PDCD4: variants seen among roughly 807,000 people sequenced by gnomAD.
PDCD4 encodes programmed cell death 4.
Under a neutral mutation model 54.0 loss-of-function variants are expected in PDCD4, and 56 were observed. That is an observed-to-expected ratio of 1.04 (90% CI 0.84 to 1.30). The LOEUF (loss-of-function observed/expected upper bound fraction) is 1.30. Among genes scored for constraint, PDCD4 ranks in the 50% most tolerant of loss-of-function variants. The pLI is 0.00. For synonymous variants in PDCD4, 186 were observed against 194.8 expected, an observed-to-expected ratio of 0.95 and a Z score of 0.37; for missense variants, 584 against 559.8, an observed-to-expected ratio of 1.04 and a Z score of -0.44.
intron 5 of PDCD4, among the ~76,000 whole-genome samples, chr10:110,886,218 G>A (rs1845667761): frequency 1.3e-5 from 2 of 152,182 alleles, no homozygotes; most frequent in African/African-American, 4.8e-5. Flanking sequence ...AAGTTTCCAT[G>A]AGTCCTATGA....
chr10:110,886,675 C>T (rs973251697), intron 5 of PDCD4, among the ~76,000 whole-genome samples: 1 of 152,116 alleles, frequency 6.6e-6, no homozygotes, highest in East Asian at 1.9e-4. Context: ...TGTGTGCCCT[C>T]TCTCCTTTGA....
At chr10:110,887,986 A>C in intron 6 of PDCD4, 100 bp downstream of exon 6, 1 of 685,314 alleles carries the variant, frequency 1.5e-6, no homozygotes, top group Non-Finnish European at 2.5e-6. Context: ...ATGGAAGGGG[A>C]TGGCCAACAT....
chr10:110,879,155 G>C (rs977789533), intron 2 of PDCD4, among the ~76,000 whole-genome samples: 8 of 152,106 alleles, frequency 5.3e-5, no homozygotes, highest in African/African-American at 1.2e-4. Flanking sequence ...CAGTTAGCTT[G>C]TGACTGAATT....
In PDCD4 at chr10:110,899,719, C is replaced by T. The variant is rs149734425; in HGVS notation, c.*1631C>T. On this transcript the variant is annotated 3_prime_UTR_variant, in exon 12 of 12. Transcript: ENST00000280154. The stretch of plus-strand genomic sequence containing the variant: ...GGCTGAGGCAGGAGAATTGCTTGAA[C>T]CTGGGAGGCAGAGGTTGCAGTGAGT... 7,083 of 151,830 alleles carry T rather than the reference C, an allele frequency of 0.047. 191 individuals are homozygous for T. The highest frequency in any genetic ancestry group is 0.064 in the Middle Eastern group (19 of 296). 9.4% of individuals were successfully genotyped at this position (151,830 alleles called of 1,614,324 possible). A position where few individuals can be genotyped will look rare whatever the true frequency, so the allele number is the denominator to read the frequency against.
At chr10:110,882,935 T>G in intron 3 of PDCD4, 68 bp from the exon 4 acceptor site, 1 of 996,098 alleles carries the variant, frequency 1.0e-6, no homozygotes, top group Non-Finnish European at 1.6e-6. Context: ...CATCGGAACA[T>G]TTTATTTTAG....
chr10:110,894,170 C>T lies in PDCD4; in HGVS notation c.1070C>T (p.Pro357Leu). The T allele has an allele frequency of 6.3e-7, 1 of 1,597,610 alleles. No individual in the cohort carries two copies. Reference protein sequence around the residue: ...AEHCLKELEVPHFHHELVYEA... With the variant: ...AEHCLKELEVLHFHHELVYEA... Reference sequence around the variant, plus strand: ...CATTGCCTTAAGGAACTGGAAGTACCTCATTTTCACCATGAGCTTGTATAT... The same window carrying T: ...CATTGCCTTAAGGAACTGGAAGTACTTCATTTTCACCATGAGCTTGTATAT... The change falls in exon 9 of 12, where the codon CCT becomes CTT. Residue 357 changes from proline (P) to leucine (L), a missense_variant. Physicochemically the swap from Pro to Leu is moderately conservative, Grantham distance 98. Coordinates refer to ENST00000280154, the MANE Select transcript of PDCD4 (RefSeq NM_014456.5).
Position 110,899,735 on chromosome 10 carries a change from T to A in PDCD4, c.*1647T>A, listed in dbSNP as rs1247026005. On this transcript the variant is annotated 3_prime_UTR_variant, in exon 12 of 12. Coordinates refer to ENST00000280154, the MANE Select transcript of PDCD4 (RefSeq NM_014456.5). Reference sequence around the variant, plus strand: ...TTGCTTGAACCTGGGAGGCAGAGGTTGCAGTGAGTCGAGATGGTGCCATTG... The same window carrying A: ...TTGCTTGAACCTGGGAGGCAGAGGTAGCAGTGAGTCGAGATGGTGCCATTG... 1.3e-5 allele frequency: 2 copies of A among 151,446 alleles called. No individual in the cohort carries two copies. Among genetic ancestry groups the A allele is most frequent in the African/African-American group, 4.9e-5 (2 of 41,002 alleles). The allele number at this position is 151,446 out of a possible 1,614,324, so 9.4% of individuals were successfully genotyped here. A position where few individuals can be genotyped will look rare whatever the true frequency, so the allele number is the denominator to read the frequency against.
At chr10:110,878,023 A>G (rs1033389435) in intron 2 of PDCD4, among the ~76,000 whole-genome samples, 3 of 152,214 alleles carry the variant, frequency 2.0e-5, no homozygotes, top group Non-Finnish European at 4.4e-5. Flanking sequence ...TGCTGTGGTC[A>G]TATACAATTG....
chr10:110,872,261 G>C (rs1845421600), intron 1 of PDCD4: 1 of 152,344 alleles, frequency 6.6e-6, no homozygotes. Context: ...TCTGAGCCCA[G>C]CCTGGAGCGT....
At chr10:110,894,555 G>T (rs766687655) in intron 10 of PDCD4, 33 bp downstream of exon 10, 2 of 919,936 alleles carry the variant, frequency 2.2e-6, no homozygotes, top group South Asian at 2.7e-5. Context: ...ACAACTTGTA[G>T]GATTATGTCT....
At position 110,885,234 on chromosome 10, in the gene PDCD4, C is replaced by T. The variant is rs1320859689; in HGVS notation, c.442-19C>T. On this transcript the variant is annotated intron_variant, in intron 4 of 11. Transcript: ENST00000280154. ...TGCATTTTGTTTTTTATAACTCTTA[C>T]TCCCTTTTCCCCTCAAAGGAGAACT... 2 of 1,139,336 alleles carry T rather than the reference C, an allele frequency of 1.8e-6. No individual in the cohort carries two copies. Among genetic ancestry groups the T allele is most frequent in the Non-Finnish European group, 2.6e-6 (2 of 767,306 alleles). The allele number at this position is 1,139,336 out of a possible 1,614,324, so 70.6% of individuals were successfully genotyped here.
At chr10:110,878,131 A>G (rs1357116799) in intron 2 of PDCD4, among the ~76,000 whole-genome samples, 1 of 152,218 alleles carries the variant, frequency 6.6e-6, no homozygotes, top group Non-Finnish European at 1.5e-5. Context: ...TCAGCTTATC[A>G]TTTTAATTTT....
At chr10:110,888,823 A>C (rs1480048712) in intron 6 of PDCD4, among the ~76,000 whole-genome samples, 5 of 152,164 alleles carry the variant, frequency 3.3e-5, no homozygotes, top group African/African-American at 1.2e-4. Context: ...TTTTTATAAT[A>C]AGTAATGCTG....
intron 11 of PDCD4, 24 bp downstream of exon 11, chr10:110,896,111 C>G (rs1845828227): frequency 6.5e-7 from 1 of 1,540,802 alleles, no homozygotes; most frequent in Admixed American, 1.9e-5. Flanking sequence ...ATACTACTTT[C>G]TCAATGTAAA....
rs1354656210 is a variant in PDCD4 at position 110,881,518 on chromosome 10, G to A, written c.329G>A (p.Arg110Lys). 2.5e-6 allele frequency: 4 copies of A among 1,611,080 alleles called. No individual in the cohort carries two copies. In the East Asian group the frequency reaches 8.9e-5, roughly 36 times the overall value. ...LDRRSRSGKGRGLPKKGGAGG... is the reference protein window; with the variant it reads ...LDRRSRSGKGKGLPKKGGAGG... ...AGGCGATCCAGATCTGGGAAAGGAA[G>A]GGGACTACCAAAGAAAGGTTGGTAT... The change falls in exon 3 of 12, where the codon AGG (arginine) becomes AAG (lysine). Residue 110 changes from arginine (R) to lysine (K), a missense_variant. Coordinates refer to ENST00000280154, the MANE Select transcript of PDCD4 (RefSeq NM_014456.5).
chr10:110,891,668 GTGTT>G, intron 8 of PDCD4, among the ~76,000 whole-genome samples: 1 of 152,220 alleles, frequency 6.6e-6, no homozygotes, highest in Middle Eastern at 3.4e-3. Flanking sequence ...GTGTGTGTGT[GTGTT>G]TGTGTATGTG....
rs748042810 is a variant in PDCD4 at position 110,887,750 on chromosome 10, G to C, written c.641G>C (p.Ser214Thr). The stretch of plus-strand genomic sequence containing the variant: ...TCCTTAGCATTGGAGGGGAAGGCTA[G>C]TCATAGAGAGATGACATCTAAGCTT... Reference protein sequence around the residue: ...AVSLALEGKASHREMTSKLLS... With the variant: ...AVSLALEGKATHREMTSKLLS... The change falls in exon 6 of 12, where the codon AGT (serine) becomes ACT (threonine). Residue 214 changes from serine to threonine, a missense_variant. Physicochemically the swap from Ser to Thr is moderately conservative, Grantham distance 58 (BLOSUM62 1). Coordinates refer to ENST00000280154, the MANE Select transcript of PDCD4 (RefSeq NM_014456.5). The C allele has an allele frequency of 1.2e-6, 2 of 1,613,402 alleles. No homozygotes were observed. The highest frequency in any genetic ancestry group is 1.1e-5 in the South Asian group (1 of 91,054).
In PDCD4 at chr10:110,898,091, A is replaced by G. The variant is rs192041921; in HGVS notation, c.*3A>G. On this transcript the variant is annotated 3_prime_UTR_variant, in exon 12 of 12. Coordinates refer to ENST00000280154, the MANE Select transcript of PDCD4 (RefSeq NM_014456.5). ...GTCTTAAACCAGAGAGCTACTGAAT[A>G]TAAGAACTCTTGCAGTCTTAGATGT... is the stretch of plus-strand genomic sequence containing the variant. 7.1e-5 allele frequency: 110 copies of G among 1,558,214 alleles called. No homozygotes were observed. Among genetic ancestry groups the G allele is most frequent in the Non-Finnish European group, 8.6e-5 (98 of 1,144,012 alleles).
At chr10:110,877,266 T>C (rs1023655110) in intron 2 of PDCD4, among the ~76,000 whole-genome samples, 1 of 152,188 alleles carries the variant, frequency 6.6e-6, no homozygotes, top group Admixed American at 6.5e-5. Context: ...CTGTCCAGTA[T>C]GGTGACCACT....
Sources: allele counts gnomAD v4.1 joint callset (sites outside exome capture counted in the v4.1 genomes callset), GRCh38; gene constraint gnomAD v4.1.1; transcripts MANE v1.5; gene names NCBI Gene and HGNC (gene_info 2026-07-23, HGNC 2026-07-21).